PSMD1: variants seen among roughly 807,000 people sequenced by gnomAD.
PSMD1 encodes the protein 26S proteasome non-ATPase regulatory subunit 1.
Under a neutral mutation model 119.0 loss-of-function variants are expected in PSMD1, and 18 were observed. That is an observed-to-expected ratio of 0.15 (90% CI 0.10 to 0.22). PSMD1 has a LOEUF of 0.22. PSMD1 is among the 10% of genes least tolerant of loss of function. The probability of loss-of-function intolerance (pLI) is 1.00; values close to 1 mark genes in which losing one functional copy is unlikely to be tolerated. For synonymous variants in PSMD1, 374 were observed against 396.6 expected, an observed-to-expected ratio of 0.94 and a Z score of 0.68; for missense variants, 702 against 1,158.5, an observed-to-expected ratio of 0.61 and a Z score of 5.72.
chr2:231,170,612 T>C lies in PSMD1; in HGVS notation c.2762T>C (p.Ile921Thr), dbSNP rs759735341. Residue 921 changes from isoleucine to threonine, a missense_variant, in exon 24 of 25, where the codon ATT (isoleucine) becomes ACT (threonine). Ile to Thr is a moderately conservative substitution (Grantham distance 89, BLOSUM62 -1). Transcript: ENST00000308696. The surrounding 1 kb of genome is among the most constrained non-coding windows in gnomAD (Gnocchi z 4.1). Reference protein sequence around the residue: ...IIILKDTSEDIEELVEPVAAH... With the variant: ...IIILKDTSEDTEELVEPVAAH... ...ATTCTGAAGGATACCAGTGAAGACA[T>C]TGAGGAGCTGGTGGAACCTGTGGCA... The C allele has an allele frequency of 2.7e-5, 43 of 1,614,052 alleles. No individual in the cohort carries two copies. The African/African-American group carries it at 3.6e-4, about 14-fold the overall frequency.
chr2:231,064,008 G>A (rs1421568643), intron 4 of PSMD1, among the ~76,000 whole-genome samples: 1 of 151,916 alleles, frequency 6.6e-6, no homozygotes, highest in Non-Finnish European at 1.5e-5. Context: ...TTACAACAGT[G>A]ATCTACAAAT....
Position 231,119,917 on chromosome 2 carries a change from A to G in PSMD1, c.1884-18819A>G, listed in dbSNP as rs111641274. Among the ~76,000 whole-genome samples the G allele has an allele frequency of 1.7e-4, 26 of 150,828 alleles. No individual in the cohort carries two copies. In the East Asian group the frequency reaches 2.0e-3, roughly 11 times the overall value. ...CTTATAAATAAACCAATAACACCCAATGGATGGCCAGATGCCATATCTTCC... is the reference window on the plus strand; with the variant it reads ...CTTATAAATAAACCAATAACACCCAGTGGATGGCCAGATGCCATATCTTCC... On this transcript the variant is annotated intron_variant, in intron 16 of 24. Transcript: ENST00000308696.
intron 23 of PSMD1, among the ~76,000 whole-genome samples, chr2:231,169,017 A>G (rs569301903): frequency 1.3e-5 from 2 of 152,332 alleles, no homozygotes; most frequent in South Asian, 4.1e-4. Flanking sequence ...GCCTCCCCAG[A>G]GAACAGAAAA....
intron 20 of PSMD1, 114 bp downstream of exon 20, chr2:231,161,623 T>G: frequency 8.8e-7 from 1 of 1,133,204 alleles, no homozygotes; most frequent in Middle Eastern, 2.1e-4. Flanking sequence ...TAACATCTTA[T>G]AATAACATTT....
chr2:231,166,734 T>C (rs1696795652), intron 23 of PSMD1, among the ~76,000 whole-genome samples: 1 of 152,204 alleles, frequency 6.6e-6, no homozygotes, highest in Admixed American at 6.5e-5. Flanking sequence ...TAGATCTGTC[T>C]AAAATGTCAG....
At chr2:231,086,009 C>T (rs574447442) in intron 15 of PSMD1, among the ~76,000 whole-genome samples, 5 of 151,830 alleles carry the variant, frequency 3.3e-5, no homozygotes, top group African/African-American at 1.2e-4. Context: ...TTTGCAAAAG[C>T]CATAATGCAG....
chr2:231,165,387 C>T, intron 22 of PSMD1, 101 bp downstream of exon 22: 1 of 1,300,494 alleles, frequency 7.7e-7, no homozygotes, highest in East Asian at 3.0e-5. Context: ...CTCTTGGCTT[C>T]CTTCAAACAA....
In PSMD1 at chr2:231,083,005, C is replaced by A. The variant is rs1308197753; in HGVS notation, c.1525+11C>A. On this transcript the variant is annotated intron_variant, in intron 13 of 24. Coordinates refer to ENST00000308696, the MANE Select transcript of PSMD1 (RefSeq NM_002807.4). ...ATGATGCAGTAACAGGTAAGCATTT[C>A]TTTCTAAAGCTAACAAGCTTAAGTA... 3 of 1,565,064 alleles carry A rather than the reference C, an allele frequency of 1.9e-6. No individual in the cohort carries two copies. In the East Asian group the frequency reaches 6.7e-5, roughly 35 times the overall value.
chr2:231,123,717 C>T (rs1695637111), intron 16 of PSMD1: 4 of 1,613,912 alleles, frequency 2.5e-6, no homozygotes, highest in South Asian at 2.2e-5. Context: ...GCAAAATGTG[C>T]TCAGGAATTG....
intron 16 of PSMD1, 28 bp from the exon 17 acceptor site, chr2:231,138,708 A>G: frequency 6.5e-7 from 1 of 1,527,262 alleles, no homozygotes; most frequent in Non-Finnish European, 9.1e-7. Context: ...TACCTATAAC[A>G]GTGGCTTCGC....
intron 20 of PSMD1, among the ~76,000 whole-genome samples, chr2:231,161,821 C>A (rs1421136427): frequency 3.9e-5 from 6 of 152,066 alleles, no homozygotes; most frequent in African/African-American, 1.4e-4. Flanking sequence ...AATACTAAAG[C>A]CTGGGAACTG....
At chr2:231,167,603 C>T (rs1411414718) in intron 23 of PSMD1, among the ~76,000 whole-genome samples, 5 of 152,214 alleles carry the variant, frequency 3.3e-5, no homozygotes, top group African/African-American at 7.2e-5. Context: ...GAGTGGGAGA[C>T]TTTGTGTTCC....
chr2:231,105,000 C>A (rs532224970), intron 16 of PSMD1, among the ~76,000 whole-genome samples: 1 of 151,978 alleles, frequency 6.6e-6, no homozygotes, highest in East Asian at 1.9e-4. Flanking sequence ...TTTTTAAAAA[C>A]TTCTTTTCAA....
At chr2:231,151,220 G>T (rs1373912970) in intron 18 of PSMD1, among the ~76,000 whole-genome samples, 1 of 151,970 alleles carries the variant, frequency 6.6e-6, no homozygotes, top group African/African-American at 2.4e-5. Flanking sequence ...ATGAAATTGA[G>T]TTAGAAAATC....
chr2:231,123,564 G>C (rs1335180431), intron 16 of PSMD1: 1 of 1,614,050 alleles, frequency 6.2e-7, no homozygotes, highest in South Asian at 1.1e-5. Flanking sequence ...CACCAATTGT[G>C]GGTATTATCA....
At chr2:231,074,909 A>T (rs1447404676) in intron 7 of PSMD1, among the ~76,000 whole-genome samples, 3 of 152,078 alleles carry the variant, frequency 2.0e-5, no homozygotes, top group African/African-American at 7.2e-5. Flanking sequence ...GCTCACTGCA[A>T]CCTCAAACTC....
At chr2:231,153,475 A>AT in intron 18 of PSMD1, 89 bp from the exon 19 acceptor site, 1 of 944,882 alleles carries the variant, frequency 1.1e-6, no homozygotes, top group Admixed American at 2.0e-5. Context: ...GAACTAACTC[A>AT]TTATCATTGG....
chr2:231,150,647 T>G (rs1355464670), intron 18 of PSMD1, among the ~76,000 whole-genome samples: 1 of 152,170 alleles, frequency 6.6e-6, no homozygotes, highest in African/African-American at 2.4e-5. Flanking sequence ...TCATAATATA[T>G]AGAGCAGTAC....
chr2:231,149,940 T>C (rs1040652862), intron 18 of PSMD1, among the ~76,000 whole-genome samples: 3 of 152,160 alleles, frequency 2.0e-5, no homozygotes, highest in African/African-American at 7.2e-5. Context: ...ATACAGATAA[T>C]ATTCATTTCA....
Sources: gnomAD v4.1 joint callset for allele counts (sites outside exome capture counted in the v4.1 genomes callset) on GRCh38, gnomAD v4.1.1 for gene constraint, Gnocchi (gnomAD v3.1) non-coding constraint, MANE v1.5 for transcripts, NCBI Gene and HGNC (gene_info 2026-07-23, HGNC 2026-07-21) for gene names.